Variants in DNAAF5 observed in about 807,000 individuals in gnomAD.
DNAAF5 encodes dynein axonemal assembly factor 5, also known as HEAT repeat containing 2.
DNAAF5 carries 64 observed loss-of-function variants against 75.8 expected under a neutral mutation model. The ratio of observed to expected loss-of-function variants is 0.84; its 90% CI spans 0.69 to 1.04. DNAAF5 has a LOEUF of 1.04. DNAAF5 is among the 50% of genes least tolerant of loss of function. The pLI is 0.00. For synonymous variants in DNAAF5, 657 were observed against 557.2 expected (o/e 1.18, Z -2.52); for missense variants, 1,269 against 1,178.5 (o/e 1.08, Z -1.12).
chr7:783,551 G>A (rs916779149), intron 12 of DNAAF5, among the ~76,000 whole-genome samples: 1 of 152,212 alleles, frequency 6.6e-6, no homozygotes, highest in African/African-American at 2.4e-5. Flanking sequence ...GTCAGCCAGT[G>A]AGGGAGCCCC....
rs145339697 is a variant in DNAAF5 at position 779,965 on chromosome 7, G to A, written c.2252G>A (p.Arg751His). 100 of 1,613,912 alleles carry A rather than the reference G, an allele frequency of 6.2e-5. No individual in the cohort carries two copies. The highest frequency in any genetic ancestry group is 7.5e-5 in the Non-Finnish European group (89 of 1,179,940). Residue 751 changes from arginine to histidine, a missense_variant, in exon 12 of 13, where the codon CGC becomes CAC. Arg to His is a conservative substitution (Grantham distance 29). Coordinates refer to ENST00000297440, the MANE Select transcript of DNAAF5 (RefSeq NM_017802.4). ...LIRIYPELLK[R>H]LDDVSNDVRM... is the part of the protein sequence containing the mutation. ...TCCCTCCTTCCAGAACTCTTAAAAC[G>A]CCTAGATGACGTGTCCAACGATGTG...
chr7:731,323 A>G (rs1279125571), intron 2 of DNAAF5, among the ~76,000 whole-genome samples: 1 of 152,186 alleles, frequency 6.6e-6, no homozygotes, highest in Non-Finnish European at 1.5e-5. Flanking sequence ...TAAAAATACC[A>G]TCACTGTATC....
At chr7:753,541 A>T (rs1392469046) in intron 4 of DNAAF5, among the ~76,000 whole-genome samples, 3 of 151,782 alleles carry the variant, frequency 2.0e-5, no homozygotes, top group Admixed American at 6.6e-5. Flanking sequence ...CGTGTCTCTC[A>T]TATGGCGATG....
At chr7:759,096 C>G (rs528982991) in intron 6 of DNAAF5, among the ~76,000 whole-genome samples, 2 of 152,254 alleles carry the variant, frequency 1.3e-5, no homozygotes, top group South Asian at 4.1e-4. Flanking sequence ...TGTGCTCTTC[C>G]CGCGGCCGGC....
intron 5 of DNAAF5, among the ~76,000 whole-genome samples, chr7:756,151 C>G (rs377418548): frequency 7.4e-6 from 1 of 134,698 alleles, no homozygotes; most frequent in Non-Finnish European, 1.6e-5. Flanking sequence ...GTGTGATCCG[C>G]TGTGGAATCC....
intron 4 of DNAAF5, among the ~76,000 whole-genome samples, chr7:742,152 C>G (rs537446618): frequency 6.6e-6 from 1 of 152,226 alleles, no homozygotes; most frequent in Non-Finnish European, 1.5e-5. Context: ...AGAAACCGCC[C>G]TCCTCTCGCG....
At chr7:749,364 G>C (rs1315539670) in intron 4 of DNAAF5, among the ~76,000 whole-genome samples, 1 of 152,170 alleles carries the variant, frequency 6.6e-6, no homozygotes, top group Non-Finnish European at 1.5e-5. Flanking sequence ...TCTCGATGCT[G>C]GTGAGTGGCC....
chr7:784,373 G>A (rs967544951), intron 12 of DNAAF5, among the ~76,000 whole-genome samples: 6 of 152,146 alleles, frequency 3.9e-5, no homozygotes, highest in African/African-American at 1.2e-4. Flanking sequence ...ACTGCCTGCC[G>A]GGTTCCGCCA....
intron 12 of DNAAF5, among the ~76,000 whole-genome samples, chr7:781,185 C>T (rs898099053): frequency 2.0e-5 from 3 of 152,230 alleles, no homozygotes; most frequent in Non-Finnish European, 4.4e-5. Context: ...GGCCCCATTC[C>T]TCTTCCGAGC....
intron 8 of DNAAF5, among the ~76,000 whole-genome samples, chr7:767,951 G>A (rs546889720): frequency 2.0e-5 from 3 of 150,392 alleles, no homozygotes; most frequent in Non-Finnish European, 4.4e-5. Flanking sequence ...GCTCCGGGCA[G>A]AAGTGTCCGC....
intron 4 of DNAAF5, among the ~76,000 whole-genome samples, chr7:743,104 C>G (rs927943966): frequency 3.9e-5 from 6 of 152,194 alleles, no homozygotes; most frequent in Admixed American, 1.3e-4. Flanking sequence ...GTAGCTCACG[C>G]CTGTATCCCA....
chr7:782,037 ATACT>A (rs983354644), intron 12 of DNAAF5, among the ~76,000 whole-genome samples: 3 of 152,230 alleles, frequency 2.0e-5, no homozygotes, highest in African/African-American at 7.2e-5. Context: ...CCTTTGGAAA[ATACT>A]TAGACCTTCC....
chr7:776,165 G>A (rs1778754921), intron 11 of DNAAF5, among the ~76,000 whole-genome samples: 1 of 152,050 alleles, frequency 6.6e-6, no homozygotes, highest in Non-Finnish European at 1.5e-5. Context: ...TGGTGACCCT[G>A]TCTCTACTAA....
chr7:753,044 A>C (rs79422459), intron 4 of DNAAF5, among the ~76,000 whole-genome samples: 2,311 of 152,318 alleles, frequency 0.015, 41 homozygotes, highest in East Asian at 0.12. Context: ...TCAATTCAAG[A>C]CTGAGCGTAC....
At chr7:760,629 G>A (rs1782615549) in intron 6 of DNAAF5, among the ~76,000 whole-genome samples, 2 of 152,158 alleles carry the variant, frequency 1.3e-5, no homozygotes, top group South Asian at 4.1e-4. Flanking sequence ...CAGCCTGGGC[G>A]ACAGAGCAAG....
chr7:766,723 C>A (rs1405426533), intron 8 of DNAAF5, among the ~76,000 whole-genome samples: 1 of 152,110 alleles, frequency 6.6e-6, no homozygotes, highest in East Asian at 1.9e-4. Context: ...GGCAAGGAGG[C>A]TCACGTGAGC....
In DNAAF5 at chr7:756,622, C is replaced by T. The variant is rs73032450; in HGVS notation, c.1258-160C>T. Among the ~76,000 whole-genome samples the T allele has an allele frequency of 0.16, 24,137 of 152,176 alleles. 2,300 individuals are homozygous for T. The highest frequency in any genetic ancestry group is 0.26 in the Middle Eastern group (76 of 294). On this transcript the variant is annotated intron_variant, in intron 5 of 12. Coordinates refer to ENST00000297440, the MANE Select transcript of DNAAF5 (RefSeq NM_017802.4). ...TGAGACCACACCCGGACCCTTGTAC[C>T]TTTCCTGAGGGCTCTGAGCATGTGC...
chr7:727,346 C>CACCCCACACTCT, intron 1 of DNAAF5, 31 bp downstream of exon 1: 1 of 1,173,970 alleles, frequency 8.5e-7, no homozygotes, highest in Non-Finnish European at 1.1e-6. Flanking sequence ...TCCCACACGC[C>CACCCCACACTCT]ACCCCACACT....
intron 8 of DNAAF5, chr7:768,372 T>C (rs4720929): frequency 0.78 from 111,702 of 142,784 alleles, 43,016 homozygotes; most frequent in South Asian, 0.86. Context: ...GTCTGTGCTG[T>C]GAGCCGCAGC....
Sources: allele counts gnomAD v4.1 joint callset (sites outside exome capture counted in the v4.1 genomes callset), GRCh38; gene constraint gnomAD v4.1.1; transcripts MANE v1.5; gene names NCBI Gene and HGNC (gene_info 2026-07-23, HGNC 2026-07-21).